The following TLE4 variants were observed in gnomAD, a reference collection of about 807,000 sequenced individuals.
TLE4 encodes the protein transducin-like enhancer protein 4.
In TLE4, 8 loss-of-function variants were observed where a neutral mutation model predicts 92.8. That is an observed-to-expected ratio of 0.09 (90% CI 0.05 to 0.16). The LOEUF (loss-of-function observed/expected upper bound fraction) is 0.16. Among genes scored for constraint, TLE4 ranks in the 10% least tolerant of loss-of-function variants. The pLI is 1.00. For synonymous variants in TLE4, 371 were observed against 374.1 expected (o/e 0.99, Z 0.10); for missense variants, 675 against 997.6 (o/e 0.68, Z 4.36).
chr9:79,633,987 G>A (rs1483074042), intron 6 of TLE4, among the ~76,000 whole-genome samples: 1 of 152,122 alleles, frequency 6.6e-6, no homozygotes, highest in African/African-American at 2.4e-5. Flanking sequence ...ACCAGTTTGG[G>A]AATCCTTCTA....
At chr9:79,721,349 CCTT>C (rs1029558996) in intron 16 of TLE4, among the ~76,000 whole-genome samples, 1 of 152,156 alleles carries the variant, frequency 6.6e-6, no homozygotes, top group Non-Finnish European at 1.5e-5. Context: ...CATCCCCAGT[CCTT>C]CTTTAAAGGG....
intron 5 of TLE4, among the ~76,000 whole-genome samples, chr9:79,625,935 T>A (rs1255049418): frequency 6.6e-6 from 1 of 150,878 alleles, no homozygotes; most frequent in Non-Finnish European, 1.5e-5. Context: ...CTTCTTAAGC[T>A]CCTGCTTTGA....
intron 8 of TLE4, among the ~76,000 whole-genome samples, chr9:79,663,286 G>A (rs541809929): frequency 2.5e-4 from 38 of 152,340 alleles, no homozygotes; most frequent in African/African-American, 8.7e-4. Context: ...TGTCTGGTAA[G>A]CCTCTGAGGC....
At chr9:79,668,689 A>G in intron 8 of TLE4, 1 of 295,362 alleles carries the variant, frequency 3.4e-6, no homozygotes, top group Non-Finnish European at 5.0e-6. Flanking sequence ...GATGACAGGC[A>G]TGACGTTGAG....
At chr9:79,619,911 C>A (rs967275127) in intron 5 of TLE4, among the ~76,000 whole-genome samples, 3 of 152,288 alleles carry the variant, frequency 2.0e-5, no homozygotes, top group African/African-American at 7.2e-5. Flanking sequence ...AATTCTGTCC[C>A]ATATTCCGTG....
chr9:79,680,143 A>G (rs1490489806), intron 8 of TLE4, among the ~76,000 whole-genome samples: 6 of 151,948 alleles, frequency 3.9e-5, no homozygotes, highest in Non-Finnish European at 7.4e-5. Context: ...GTTTTTTCCA[A>G]TTCTTTGAAG....
At chr9:79,656,145 A>G (rs1479604684) in intron 8 of TLE4, among the ~76,000 whole-genome samples, 3 of 152,202 alleles carry the variant, frequency 2.0e-5, no homozygotes, top group Admixed American at 6.5e-5. Context: ...CTATAGTTCT[A>G]CAAGGTGAGA....
intron 8 of TLE4, among the ~76,000 whole-genome samples, chr9:79,704,338 C>T (rs1221495997): frequency 6.6e-6 from 1 of 152,154 alleles, no homozygotes; most frequent in Non-Finnish European, 1.5e-5. Flanking sequence ...TGGTCTCGAC[C>T]TCCTGACCTT....
chr9:79,707,137 G>A lies in TLE4; in HGVS notation c.936+238G>A, dbSNP rs763484867. 1.1e-5 allele frequency: 17 copies of A among 1,613,046 alleles called. No homozygotes were observed. The South Asian group carries it at 1.9e-4, about 18-fold the overall frequency. ...TGCAAGGATAGAAGAGGGATATGGG[G>A]AAATTGAGTGAAACACGTCTTAGCG... On this transcript the variant is annotated intron_variant, in intron 11 of 19. Coordinates refer to ENST00000376552, the MANE Select transcript of TLE4 (RefSeq NM_007005.6).
In TLE4 at chr9:79,572,732, G is replaced by T; in HGVS notation, c.-59G>T. The T allele has an allele frequency of 6.4e-7, 1 of 1,570,250 alleles. No homozygotes were observed. The highest frequency in any genetic ancestry group is 1.1e-5 in the South Asian group (1 of 87,730). ...CTGCCGCGGCCGCCTCCTCTTCGGGGTCATTAAAGCCAATGAGCCGCGCGC... is the reference window on the plus strand; with the variant it reads ...CTGCCGCGGCCGCCTCCTCTTCGGGTTCATTAAAGCCAATGAGCCGCGCGC... On this transcript the variant is annotated 5_prime_UTR_variant, in exon 1 of 20. Transcript: ENST00000376552.
At chr9:79,685,850 G>A (rs151238524) in intron 8 of TLE4, among the ~76,000 whole-genome samples, 214 of 152,158 alleles carry the variant, frequency 1.4e-3, no homozygotes, top group Admixed American at 2.9e-3. Context: ...GTATTTTCAC[G>A]TCAGAAGTAA....
intron 6 of TLE4, among the ~76,000 whole-genome samples, chr9:79,628,450 C>T (rs1027101430): frequency 6.6e-6 from 1 of 151,990 alleles, no homozygotes; most frequent in Non-Finnish European, 1.5e-5. Flanking sequence ...GATATTGCTT[C>T]AATTATTCCT....
chr9:79,597,980 C>A (rs1361015146), intron 4 of TLE4, among the ~76,000 whole-genome samples: 1 of 151,612 alleles, frequency 6.6e-6, no homozygotes, highest in Non-Finnish European at 1.5e-5. Flanking sequence ...CGCCTGTAAT[C>A]CCAGCATTTT....
chr9:79,714,334 A>G (rs185902339), intron 14 of TLE4, among the ~76,000 whole-genome samples: 71 of 152,272 alleles, frequency 4.7e-4, no homozygotes, highest in Non-Finnish European at 5.9e-5. Context: ...CATTACATTG[A>G]TTTTAATTAT....
chr9:79,639,369 T>C (rs1249164193), intron 6 of TLE4, among the ~76,000 whole-genome samples: 2 of 152,216 alleles, frequency 1.3e-5, no homozygotes, highest in African/African-American at 4.8e-5. Context: ...AGACCACATA[T>C]ATGACAATGG....
At chr9:79,642,348 T>C (rs576762733) in intron 6 of TLE4, among the ~76,000 whole-genome samples, 2 of 152,096 alleles carry the variant, frequency 1.3e-5, no homozygotes, top group African/African-American at 4.8e-5. Flanking sequence ...CTCAAATGCC[T>C]GGGCTCAAGT....
At chr9:79,634,607 A>G (rs1255262371) in intron 6 of TLE4, among the ~76,000 whole-genome samples, 1 of 152,154 alleles carries the variant, frequency 6.6e-6, no homozygotes, top group African/African-American at 2.4e-5. Flanking sequence ...AAGATACAGG[A>G]TAGTTCCCTC....
At chr9:79,603,499 T>A (rs2046122828) in intron 4 of TLE4, among the ~76,000 whole-genome samples, 1 of 152,164 alleles carries the variant, frequency 6.6e-6, no homozygotes, top group South Asian at 2.1e-4. Context: ...TATTTTTAAA[T>A]TATGGTGTAT....
chr9:79,662,924 A>G (rs1385650752), intron 8 of TLE4, among the ~76,000 whole-genome samples: 6 of 151,826 alleles, frequency 4.0e-5, no homozygotes, highest in East Asian at 3.9e-4. Context: ...TTCATTCCAG[A>G]TCCTCCCTCG....
Sources: allele counts gnomAD v4.1 joint callset (sites outside exome capture counted in the v4.1 genomes callset), GRCh38; gene constraint gnomAD v4.1.1; transcripts MANE v1.5; gene names NCBI Gene and HGNC (gene_info 2026-07-23, HGNC 2026-07-21).